Variants in ACSM3 observed in about 807,000 individuals in gnomAD.
The protein encoded by ACSM3 is acyl-coenzyme A synthetase ACSM3, mitochondrial.
Under a neutral mutation model 74.1 loss-of-function variants are expected in ACSM3, and 61 were observed. The ratio of observed to expected loss-of-function variants is 0.82; its 90% CI spans 0.67 to 1.02. ACSM3 has a LOEUF of 1.02. Ranked by LOEUF, ACSM3 falls within the 50% of genes least tolerant of loss-of-function variation. ACSM3 has a pLI of 0.00. For missense variants in ACSM3, 660 were observed against 697.0 expected, an observed-to-expected ratio of 0.95 and a Z score of 0.60; for synonymous variants, 213 against 241.5, an observed-to-expected ratio of 0.88 and a Z score of 1.09.
chr16:20,738,159 T>G lies in ACSM3; in HGVS notation c.-189-11751T>G, dbSNP rs61114078. On this transcript the variant is annotated intron_variant, in intron 1 of 3. Transcript: ENST00000561584. ...TATAATGTATCTAATATATTTTAAC[T>G]TTTCATCATTATTACTGCTTGCACT... The G allele has an allele frequency of 1.5e-3, 997 of 643,324 alleles. 10 individuals carry two copies. In the African/African-American group the frequency reaches 0.016, roughly 10 times the overall value. The allele number at this position is 643,324 out of a possible 1,614,324, so 39.9% of individuals were successfully genotyped here.
intron 1 of ACSM3, among the ~76,000 whole-genome samples, chr16:20,720,162 G>T (rs2079780439): frequency 1.3e-5 from 2 of 152,146 alleles, no homozygotes; most frequent in Admixed American, 1.3e-4. Context: ...GGTCAAGTGG[G>T]AGAGGGAGGG....
intron 1 of ACSM3, among the ~76,000 whole-genome samples, chr16:20,732,703 C>T (rs2079838007): frequency 6.6e-6 from 1 of 152,092 alleles, no homozygotes; most frequent in African/African-American, 2.4e-5. Flanking sequence ...TGAATTTGCA[C>T]TAAAAACCCC....
rs1397106054 is a variant in ACSM3 at position 20,781,008 on chromosome 16, T to C, written c.817T>C (p.Trp273Arg). ...WLDLTPSDVM[W>R]NTSDTGWAKS... is the part of the protein sequence containing the mutation. ...AGATTTGACACCCTCAGATGTGATGTGGAATACCTCAGATACGGGCTGGGC... is the reference window on the plus strand; with the variant it reads ...AGATTTGACACCCTCAGATGTGATGCGGAATACCTCAGATACGGGCTGGGC... The change falls in exon 6 of 14, where the codon TGG becomes CGG. Residue 273 changes from tryptophan (W) to arginine (R), a missense_variant. Trp to Arg is a moderately radical substitution (Grantham distance 101). Transcript: ENST00000289416. The C allele has an allele frequency of 1.9e-6, 3 of 1,614,226 alleles. No homozygotes were observed. The highest frequency in any genetic ancestry group is 8.5e-7 in the Non-Finnish European group (1 of 1,180,048).
At chr16:20,793,548 C>A (rs985717004) in intron 12 of ACSM3, among the ~76,000 whole-genome samples, 1 of 151,902 alleles carries the variant, frequency 6.6e-6, no homozygotes, top group African/African-American at 2.4e-5. Flanking sequence ...GGATCTCCCC[C>A]CAGGACTGAT....
intron 2 of ACSM3, among the ~76,000 whole-genome samples, chr16:20,752,035 A>G (rs968501391): frequency 6.6e-6 from 1 of 152,228 alleles, no homozygotes; most frequent in Non-Finnish European, 1.5e-5. Flanking sequence ...TGAGAAATAA[A>G]TGATATGAGC....
chr16:20,684,743 A>C (rs1356975428), intron 1 of ACSM3, among the ~76,000 whole-genome samples: 1 of 152,210 alleles, frequency 6.6e-6, no homozygotes, highest in African/African-American at 2.4e-5. Flanking sequence ...TCAGTAAGAA[A>C]GGGAGAGAAA....
chr16:20,703,327 A>T (rs1007928655), intron 1 of ACSM3: 10 of 152,168 alleles, frequency 6.6e-5, no homozygotes, highest in South Asian at 2.1e-4. Context: ...AATTTAAAGT[A>T]GTTTTTTCTA....
At chr16:20,793,182 AG>A (rs1596541246) in intron 12 of ACSM3, among the ~76,000 whole-genome samples, 1 of 152,138 alleles carries the variant, frequency 6.6e-6, no homozygotes, top group East Asian at 1.9e-4. Flanking sequence ...CTGAAGTTTA[AG>A]GCAGGCCAGG....
intron 2 of ACSM3, among the ~76,000 whole-genome samples, chr16:20,753,577 A>C (rs1221034210): frequency 6.6e-6 from 1 of 152,112 alleles, no homozygotes; most frequent in Non-Finnish European, 1.5e-5. Context: ...AGGTTTTAAA[A>C]GAGTCCTTAT....
At chr16:20,757,159 C>T (rs2080038445) in intron 3 of ACSM3, among the ~76,000 whole-genome samples, 1 of 152,060 alleles carries the variant, frequency 6.6e-6, no homozygotes, top group African/African-American at 2.4e-5. Context: ...TAGTTTTTTC[C>T]AATTCTGTGC....
chr16:20,737,830 T>C (rs2079883741), intron 1 of ACSM3: 1 of 1,613,866 alleles, frequency 6.2e-7, no homozygotes, highest in Non-Finnish European at 8.5e-7. Context: ...TTCTGCATAT[T>C]TTTTCATATC....
chr16:20,768,780 G>T (rs937235138), intron 1 of ACSM3, among the ~76,000 whole-genome samples: 2 of 152,184 alleles, frequency 1.3e-5, no homozygotes, highest in African/African-American at 4.8e-5. Context: ...ATGACAGAAT[G>T]AAGCAGGCTG....
At chr16:20,730,877 A>T (rs2079825792) in intron 1 of ACSM3, among the ~76,000 whole-genome samples, 1 of 152,128 alleles carries the variant, frequency 6.6e-6, no homozygotes, top group Admixed American at 6.6e-5. Flanking sequence ...TTGTTTTGAG[A>T]TGGAGACTTG....
At chr16:20,693,951 A>G (rs989015475) in intron 1 of ACSM3, among the ~76,000 whole-genome samples, 1 of 152,244 alleles carries the variant, frequency 6.6e-6, no homozygotes, top group Non-Finnish European at 1.5e-5. Context: ...CTGTGCTAAG[A>G]TTCTTAAATA....
chr16:20,732,822 C>CA (rs1491421019), intron 1 of ACSM3: 2 of 152,550 alleles, frequency 1.3e-5, no homozygotes, highest in African/African-American at 4.9e-5. Context: ...AATTCAGTCT[C>CA]AGAGTTTCAT....
intron 9 of ACSM3, chr16:20,789,390 T>C: frequency 1.1e-6 from 1 of 929,818 alleles, no homozygotes; most frequent in South Asian, 1.4e-5. Flanking sequence ...ATGTATTAAG[T>C]ACTTAATAAA....
chr16:20,694,474 C>G (rs2079679281), intron 1 of ACSM3, among the ~76,000 whole-genome samples: 1 of 152,230 alleles, frequency 6.6e-6, no homozygotes, highest in Admixed American at 6.5e-5. Context: ...ACCTCTGTTA[C>G]ATTTTCCAAC....
upstream of ACSM3, among the ~76,000 whole-genome samples, chr16:20,759,658 G>T (rs1596503474): frequency 6.6e-6 from 1 of 151,814 alleles, no homozygotes; most frequent in South Asian, 2.1e-4. Flanking sequence ...GGACATGGAA[G>T]CTCTGTACCC....
chr16:20,702,706 G>C (rs1352751571), intron 1 of ACSM3: 1 of 152,142 alleles, frequency 6.6e-6, no homozygotes, highest in Non-Finnish European at 1.5e-5. Context: ...GTAGATTCTG[G>C]ATATTAGCCA....
Sources: allele counts gnomAD v4.1 joint callset (sites outside exome capture counted in the v4.1 genomes callset), GRCh38; gene constraint gnomAD v4.1.1; transcripts MANE v1.5; gene names NCBI Gene and HGNC (gene_info 2026-07-23, HGNC 2026-07-21).